The following MAML2 variants were observed in gnomAD, a reference collection of about 807,000 sequenced individuals.
MAML2 encodes the protein mastermind-like protein 2.
In MAML2, 22 loss-of-function variants were observed where a neutral mutation model predicts 96.1. The ratio of observed to expected loss-of-function variants is 0.23; its 90% CI spans 0.16 to 0.33. MAML2 has a LOEUF of 0.33. Ranked by LOEUF, MAML2 falls within the 10% of genes least tolerant of loss-of-function variation. The pLI is 1.00. For synonymous variants in MAML2, 561 were observed against 521.3 expected, an observed-to-expected ratio of 1.08 and a Z score of -1.04; for missense variants, 1,367 against 1,392.4, an observed-to-expected ratio of 0.98 and a Z score of 0.29.
chr11:96,151,663 C>T (rs565726824), intron 1 of MAML2, among the ~76,000 whole-genome samples: 2 of 152,254 alleles, frequency 1.3e-5, no homozygotes, highest in African/African-American at 2.4e-5. Flanking sequence ...CACCTTCCCC[C>T]TCTTCCTTTG....
intron 3 of MAML2, among the ~76,000 whole-genome samples, chr11:95,990,397 A>G (rs1333793851): frequency 6.6e-6 from 1 of 152,106 alleles, no homozygotes; most frequent in Non-Finnish European, 1.5e-5. Context: ...CATAATATGT[A>G]GTATCCTTTA....
At chr11:96,238,809 T>C (rs1322559192) in intron 1 of MAML2, among the ~76,000 whole-genome samples, 2 of 152,200 alleles carry the variant, frequency 1.3e-5, no homozygotes, top group Non-Finnish European at 2.9e-5. Context: ...TGATGAAATA[T>C]AGTTGATGGA....
rs562397660 is a variant in MAML2, at chr11:96,217,901, T to C, written c.513+123482A>G. Among the ~76,000 whole-genome samples the C allele has an allele frequency of 2.6e-3, 393 of 152,356 alleles. 2 individuals are homozygous for C. Among genetic ancestry groups the C allele is most frequent in the South Asian group, 7.5e-3 (36 of 4,830 alleles). ...CGACAATTTTAGTGATTATGAACTA[T>C]CTAGGCTTAGCAGATGCTGGTAATC... On this transcript the variant is annotated intron_variant, in intron 1 of 4. Coordinates refer to ENST00000524717, the MANE Select transcript of MAML2 (RefSeq NM_032427.4).
chr11:96,025,803 C>G (rs1192162836), intron 2 of MAML2, among the ~76,000 whole-genome samples: 2 of 152,066 alleles, frequency 1.3e-5, no homozygotes, highest in Non-Finnish European at 2.9e-5. Flanking sequence ...CCTCATGATC[C>G]GCCCACCTCA....
At chr11:96,224,296 T>C (rs952483253) in intron 1 of MAML2, among the ~76,000 whole-genome samples, 1 of 152,192 alleles carries the variant, frequency 6.6e-6, no homozygotes, top group African/African-American at 2.4e-5. Flanking sequence ...TAACCCTCCT[T>C]TTCAAACACT....
intron 1 of MAML2, among the ~76,000 whole-genome samples, chr11:96,224,175 A>C (rs1484012214): frequency 6.6e-6 from 1 of 152,220 alleles, no homozygotes; most frequent in Non-Finnish European, 1.5e-5. Context: ...TCAGTACAAG[A>C]AAATACATGT....
At chr11:96,170,372 T>A (rs979912366) in intron 1 of MAML2, among the ~76,000 whole-genome samples, 6 of 152,240 alleles carry the variant, frequency 3.9e-5, no homozygotes, top group Admixed American at 1.3e-4. Context: ...CTTCTCATCT[T>A]CACCAGAGTA....
chr11:96,058,213 A>G (rs924552099), intron 2 of MAML2, among the ~76,000 whole-genome samples: 2 of 152,262 alleles, frequency 1.3e-5, no homozygotes, highest in Non-Finnish European at 2.9e-5. Flanking sequence ...CAAGCTGGCC[A>G]GTGCCAGTCA....
intron 2 of MAML2, among the ~76,000 whole-genome samples, chr11:96,004,675 A>G (rs1322748890): frequency 1.3e-5 from 2 of 152,166 alleles, no homozygotes; most frequent in Non-Finnish European, 2.9e-5. Context: ...ATAATTTACT[A>G]GTTGTTTTTC....
intron 4 of MAML2, among the ~76,000 whole-genome samples, chr11:95,980,658 A>G (rs138889170): frequency 4.8e-4 from 73 of 152,318 alleles, no homozygotes; most frequent in African/African-American, 1.3e-3. Context: ...ACTGAGCCCT[A>G]TATTTTCCTC....
intron 1 of MAML2, among the ~76,000 whole-genome samples, chr11:96,131,021 C>G (rs897633185): frequency 6.6e-6 from 1 of 152,160 alleles, no homozygotes; most frequent in African/African-American, 2.4e-5. Context: ...CATAACAGAG[C>G]TATACAAAAT....
intron 1 of MAML2, among the ~76,000 whole-genome samples, chr11:96,099,998 G>C (rs907119429): frequency 2.6e-5 from 4 of 152,152 alleles, no homozygotes; most frequent in Admixed American, 2.6e-4. Context: ...CTGAGAACCG[G>C]AACTGTGAAG....
intron 1 of MAML2, among the ~76,000 whole-genome samples, chr11:96,311,933 C>T (rs1863547208): frequency 1.3e-5 from 2 of 152,032 alleles, no homozygotes; most frequent in Admixed American, 1.3e-4. Context: ...TGATAAAGAT[C>T]TATGTAGCTA....
chr11:96,334,398 A>G (rs1436485820), intron 1 of MAML2, among the ~76,000 whole-genome samples: 2 of 152,210 alleles, frequency 1.3e-5, no homozygotes, highest in Admixed American at 6.5e-5. Flanking sequence ...CTATCACTCC[A>G]TTTCACAGTC....
intron 1 of MAML2, among the ~76,000 whole-genome samples, chr11:96,299,060 A>AAATATATATATAT (rs55878534): frequency 8.9e-5 from 5 of 56,330 alleles, no homozygotes; most frequent in Admixed American, 4.4e-4. Flanking sequence ...AAAAAAAAAA[A>AAATATATATATAT]ATATATATAT....
intron 1 of MAML2, among the ~76,000 whole-genome samples, chr11:96,116,851 G>A (rs541149225): frequency 1.3e-5 from 2 of 152,318 alleles, no homozygotes; most frequent in African/African-American, 4.8e-5. Context: ...ATAGTAGCCT[G>A]TAAGAGAAAC....
chr11:96,004,095 A>ATACTT (rs1217797348), intron 2 of MAML2, among the ~76,000 whole-genome samples: 2 of 152,312 alleles, frequency 1.3e-5, no homozygotes, highest in Non-Finnish European at 2.9e-5. Context: ...TATCAAGCCT[A>ATACTT]TACTTTCTCT....
At position 96,341,501 on chromosome 11, in the gene MAML2, T is replaced by C; in HGVS notation, c.395A>G (p.His132Arg). 1 of 1,550,048 alleles carries C rather than the reference T, an allele frequency of 6.5e-7. No individual in the cohort carries two copies. Among genetic ancestry groups the C allele is most frequent in the Non-Finnish European group, 8.7e-7 (1 of 1,146,606 alleles). The change falls in exon 1 of 5, where the codon CAT becomes CGT. Residue 132 changes from histidine to arginine, a missense_variant. Coordinates refer to ENST00000524717, the MANE Select transcript of MAML2 (RefSeq NM_032427.4). ...AAPPPPPDYH[H>R]HHQQHLLNSS... ...GTTCAGCAGGTGCTGCTGGTGGTGA[T>C]GGTGATAGTCTGGTGGGGGCGGTGG...
At chr11:96,041,665 T>C (rs16922920) in intron 2 of MAML2, among the ~76,000 whole-genome samples, 14,280 of 152,014 alleles carry the variant, frequency 0.094, 959 homozygotes, top group East Asian at 0.26. Flanking sequence ...GGAACCTCCA[T>C]CAGGCAAGAG....
Sources: gnomAD v4.1 joint callset for allele counts (sites outside exome capture counted in the v4.1 genomes callset) on GRCh38, gnomAD v4.1.1 for gene constraint, MANE v1.5 for transcripts, NCBI Gene and HGNC (gene_info 2026-07-23, HGNC 2026-07-21) for gene names.